Variants in LINGO2 observed in about 807,000 individuals in gnomAD.
LINGO2 encodes leucine-rich repeat and immunoglobulin-like domain-containing nogo receptor-interacting protein 2.
A neutral mutation model predicts 30.6 loss-of-function variants in LINGO2; 14 were observed. The observed-to-expected ratio is 0.46, with a 90% confidence interval of 0.30 to 0.72. The LOEUF (loss-of-function observed/expected upper bound fraction) is 0.72, where lower values mean the gene tolerates loss of function less well. Ranked by LOEUF, LINGO2 falls within the 30% of genes least tolerant of loss-of-function variation. LINGO2 has a pLI of 0.07. For missense variants in LINGO2, 729 were observed against 751.7 expected, an observed-to-expected ratio of 0.97 and a Z score of 0.35; for synonymous variants, 317 against 288.5, an observed-to-expected ratio of 1.10 and a Z score of -1.00.
chr9:28,874,609 A>C, the LINGO2 span, among the ~76,000 whole-genome samples: 1 of 152,070 alleles, frequency 6.6e-6, no homozygotes, highest in Admixed American at 6.6e-5. Context: ...GGCAAAATCC[A>C]TAAAATCTTC....
chr9:28,991,107 A>G, the LINGO2 span, among the ~76,000 whole-genome samples: 157 of 152,312 alleles, frequency 1.0e-3, 1 homozygote, highest in African/African-American at 3.7e-3. Flanking sequence ...AAAGAAGTTA[A>G]AAACTATCAC....
Position 28,179,470 on chromosome 9 carries a change from C to T in LINGO2, c.-87+115738G>A, listed in dbSNP as rs551813336. Among the ~76,000 whole-genome samples the T allele has an allele frequency of 2.2e-5, 3 of 133,490 alleles. No homozygotes were observed. In the East Asian group the frequency reaches 6.4e-4, roughly 28 times the overall value. 87.6% of individuals were successfully genotyped at this position (133,490 alleles called of 152,430 possible). ...ATACATATACTATAGTGTATATATA[C>T]TATATATAGTTTATAGTATATATAC... On this transcript the variant is annotated intron_variant, in intron 4 of 5. Coordinates refer to ENST00000379992, the Ensembl canonical transcript of LINGO2.
the LINGO2 span, among the ~76,000 whole-genome samples, chr9:28,804,698 C>A: frequency 6.6e-6 from 1 of 151,998 alleles, no homozygotes; most frequent in Middle Eastern, 3.2e-3. Context: ...AAATCCAATT[C>A]TTTTCAAAGG....
At chr9:28,725,963 A>G in the LINGO2 span, among the ~76,000 whole-genome samples, 7 of 152,166 alleles carry the variant, frequency 4.6e-5, no homozygotes, top group Non-Finnish European at 1.0e-4. Flanking sequence ...GGTTAAATCC[A>G]ATGTAATATA....
chr9:28,007,234 C>T (rs1044199829), intron 5 of LINGO2, among the ~76,000 whole-genome samples: 6 of 152,080 alleles, frequency 3.9e-5, no homozygotes, highest in African/African-American at 7.2e-5. Flanking sequence ...ACAGCCTCAT[C>T]GTCCACGTTA....
the LINGO2 span, among the ~76,000 whole-genome samples, chr9:28,826,574 T>C: frequency 6.6e-6 from 1 of 152,278 alleles, no homozygotes; most frequent in Middle Eastern, 3.4e-3. Context: ...TTTAGGATTA[T>C]TGCTGGCTGT....
chr9:28,271,085 T>C (rs1460176914), intron 4 of LINGO2, among the ~76,000 whole-genome samples: 1 of 152,082 alleles, frequency 6.6e-6, no homozygotes, highest in Admixed American at 6.6e-5. Context: ...TGTGATGTTC[T>C]TGGAATTCAA....
chr9:28,278,985 A>G (rs991236173), intron 4 of LINGO2, among the ~76,000 whole-genome samples: 7 of 152,200 alleles, frequency 4.6e-5, no homozygotes, highest in Non-Finnish European at 2.9e-5. Context: ...AAGAGTTTGG[A>G]AGAAGCTGAT....
chr9:28,784,420 A>T, the LINGO2 span, among the ~76,000 whole-genome samples: 1 of 152,206 alleles, frequency 6.6e-6, no homozygotes, highest in Non-Finnish European at 1.5e-5. Context: ...TCAGCTGCTT[A>T]CTAGCTGTGT....
the LINGO2 span, among the ~76,000 whole-genome samples, chr9:28,771,153 C>T: frequency 6.6e-6 from 1 of 152,118 alleles, no homozygotes; most frequent in Non-Finnish European, 1.5e-5. Context: ...CCTTCAACTC[C>T]TGTAATCAGC....
rs34477750 is a variant in LINGO2, at chr9:27,990,470, C to CCA, written c.-36+21884_-36+21885insTG. Among the ~76,000 whole-genome samples the CCA allele has an allele frequency of 1.4e-3, 208 of 146,832 alleles. 3 individuals carry two copies. Among genetic ancestry groups the CCA allele is most frequent in the Non-Finnish European group, 4.4e-4 (29 of 66,214 alleles). On this transcript the variant is annotated intron_variant, in intron 5 of 5. Transcript: ENST00000379992. Reference sequence around the variant, plus strand: ...ACTTCAGTGGTCTCAATACCCCCCCCCCTTTTATTTTTAACTTCAGTAGTG... The same window carrying CCA: ...ACTTCAGTGGTCTCAATACCCCCCCCCACCTTTTATTTTTAACTTCAGTAGTG...
At chr9:28,207,683 A>T (rs760346817) in intron 4 of LINGO2, among the ~76,000 whole-genome samples, 11 of 152,152 alleles carry the variant, frequency 7.2e-5, no homozygotes, top group African/African-American at 2.7e-4. Flanking sequence ...AAGTTTATGT[A>T]TATGTCTCAG....
the LINGO2 span, among the ~76,000 whole-genome samples, chr9:29,049,736 T>A: frequency 6.6e-6 from 1 of 152,128 alleles, no homozygotes; most frequent in Non-Finnish European, 1.5e-5. Flanking sequence ...ATTTGTGGTA[T>A]TTAAATATCA....
chr9:28,920,747 C>T, the LINGO2 span, among the ~76,000 whole-genome samples: 8 of 152,030 alleles, frequency 5.3e-5, no homozygotes, highest in African/African-American at 1.7e-4. Context: ...CACACGCACA[C>T]AAATCTACAT....
chr9:28,405,843 T>G (rs188473899), intron 2 of LINGO2, among the ~76,000 whole-genome samples: 1 of 152,170 alleles, frequency 6.6e-6, no homozygotes, highest in Non-Finnish European at 1.5e-5. Flanking sequence ...ACTCCGTTTT[T>G]CTTCCTTCCT....
At chr9:28,312,377 G>A (rs564198905) in intron 3 of LINGO2, among the ~76,000 whole-genome samples, 1 of 151,716 alleles carries the variant, frequency 6.6e-6, no homozygotes, top group South Asian at 2.1e-4. Context: ...AATAGAGAGA[G>A]GGTGGTCAAG....
At chr9:29,097,486 A>T in the LINGO2 span, among the ~76,000 whole-genome samples, 2 of 138,492 alleles carry the variant, frequency 1.4e-5, 1 homozygote, top group African/African-American at 5.4e-5. Context: ...AAATGTTGAC[A>T]TCCTCTATGC....
At chr9:28,603,349 C>T (rs1825567397) in intron 1 of LINGO2, among the ~76,000 whole-genome samples, 1 of 151,932 alleles carries the variant, frequency 6.6e-6, no homozygotes, top group Non-Finnish European at 1.5e-5. Context: ...ATCCCTGGTA[C>T]ACAGTAGGCA....
intron 4 of LINGO2, among the ~76,000 whole-genome samples, chr9:28,179,543 T>TC (rs2133703134): frequency 7.5e-6 from 1 of 132,526 alleles, no homozygotes; most frequent in Admixed American, 7.9e-5. Flanking sequence ...TATATAGTTT[T>TC]TTACTATATA....
Sources: gnomAD v4.1 joint callset for allele counts (sites outside exome capture counted in the v4.1 genomes callset) on GRCh38, gnomAD v4.1.1 for gene constraint, MANE v1.5 for transcripts, NCBI Gene and HGNC (gene_info 2026-07-23, HGNC 2026-07-21) for gene names.